BLTP3B: variants seen among roughly 807,000 people sequenced by gnomAD.
The protein encoded by BLTP3B is bridge-like lipid transfer protein family member 3B.
the BLTP3B span, among the ~76,000 whole-genome samples, chr12:100,052,050 A>G: frequency 4.6e-5 from 7 of 151,592 alleles, no homozygotes; most frequent in African/African-American, 1.5e-4. Flanking sequence ...TCTAAAAAAA[A>G]AAAAAGATTC....
At chr12:100,131,335 T>A in the BLTP3B span, among the ~76,000 whole-genome samples, 3 of 151,082 alleles carry the variant, frequency 2.0e-5, no homozygotes, top group African/African-American at 4.8e-5. Flanking sequence ...TTAATTAATT[T>A]AAAGTTTTAA....
At chr12:100,037,980 T>C in the BLTP3B span, among the ~76,000 whole-genome samples, 1 of 152,314 alleles carries the variant, frequency 6.6e-6, no homozygotes. Flanking sequence ...TACTAACTCC[T>C]AATTTCCTAG....
the BLTP3B span, among the ~76,000 whole-genome samples, chr12:100,090,522 ATAAT>A: frequency 3.3e-5 from 5 of 152,190 alleles, no homozygotes; most frequent in East Asian, 7.7e-4. Flanking sequence ...TTAACTAAAG[ATAAT>A]TAAAGAAAAT....
At chr12:100,056,266 G>A in the BLTP3B span, among the ~76,000 whole-genome samples, 1 of 152,210 alleles carries the variant, frequency 6.6e-6, no homozygotes, top group South Asian at 2.1e-4. Context: ...ACTGCAAAAT[G>A]CAACGCTTAC....
At chr12:100,072,900 T>C in the BLTP3B span, 2 of 1,406,724 alleles carry the variant, frequency 1.4e-6, no homozygotes, top group Non-Finnish European at 1.9e-6. Context: ...CTTTTAAAAC[T>C]ACTTACAAAA....
the BLTP3B span, among the ~76,000 whole-genome samples, chr12:100,075,333 T>C: frequency 6.6e-6 from 1 of 151,882 alleles, no homozygotes; most frequent in Non-Finnish European, 1.5e-5. Context: ...TATACAAAAA[T>C]TAACTCAAGA....
At chr12:100,115,773 CAA>C in the BLTP3B span, among the ~76,000 whole-genome samples, 2 of 150,434 alleles carry the variant, frequency 1.3e-5, no homozygotes, top group Non-Finnish European at 3.0e-5. Context: ...GAAAAAAAAA[CAA>C]AAAAACAAAA....
chr12:100,062,375 T>C, the BLTP3B span, among the ~76,000 whole-genome samples: 2 of 152,202 alleles, frequency 1.3e-5, no homozygotes, highest in South Asian at 4.1e-4. Context: ...ATTATAAAAG[T>C]TGGATCATTT....
chr12:100,057,643 G>C, the BLTP3B span: 1 of 1,612,802 alleles, frequency 6.2e-7, no homozygotes, highest in East Asian at 2.2e-5. Context: ...ATGCTGTCAA[G>C]TGAAATGGTA....
the BLTP3B span, among the ~76,000 whole-genome samples, chr12:100,122,377 A>G: frequency 1.3e-5 from 2 of 152,216 alleles, no homozygotes. Flanking sequence ...AGGTCACACT[A>G]AAGTAGAGCC....
At chr12:100,119,321 A>G in the BLTP3B span, among the ~76,000 whole-genome samples, 2 of 152,256 alleles carry the variant, frequency 1.3e-5, no homozygotes, top group Non-Finnish European at 2.9e-5. Flanking sequence ...GAAATAAAAC[A>G]TATTAGTGGA....
the BLTP3B span, among the ~76,000 whole-genome samples, chr12:100,090,131 A>G: frequency 8.5e-5 from 13 of 152,218 alleles, no homozygotes; most frequent in African/African-American, 3.1e-4. Context: ...AGGGACTAAT[A>G]TGATATCCTA....
chr12:100,130,982 GGAGAGAGAGA>G, the BLTP3B span, among the ~76,000 whole-genome samples: 249 of 62,198 alleles, frequency 4.0e-3, 2 homozygotes, highest in South Asian at 0.03. Flanking sequence ...AGAGAGGGAG[GGAGAGAGAGA>G]GAGAGAGAGA....
the BLTP3B span, among the ~76,000 whole-genome samples, chr12:100,085,679 C>T: frequency 1.7e-4 from 26 of 152,092 alleles, no homozygotes; most frequent in African/African-American, 5.8e-4. Context: ...TGGTTTTTCT[C>T]ACTTGTGTGA....
chr12:100,123,916 C>T, the BLTP3B span, among the ~76,000 whole-genome samples: 1 of 152,014 alleles, frequency 6.6e-6, no homozygotes, highest in Admixed American at 6.6e-5. Context: ...AGCTGTCTGC[C>T]CACAGATACT....
chr12:100,110,644 T>C, the BLTP3B span, among the ~76,000 whole-genome samples: 9 of 152,064 alleles, frequency 5.9e-5, no homozygotes, highest in African/African-American at 2.2e-4. Flanking sequence ...GGAGTTCTAA[T>C]CCAGAGCTTC....
chr12:100,119,766 C>T, the BLTP3B span, among the ~76,000 whole-genome samples: 1 of 152,066 alleles, frequency 6.6e-6, no homozygotes, highest in Admixed American at 6.5e-5. Context: ...AAATCCTTGA[C>T]CTTTACCTCA....
the BLTP3B span, among the ~76,000 whole-genome samples, chr12:100,126,586 A>C: frequency 6.6e-6 from 1 of 152,182 alleles, no homozygotes; most frequent in Non-Finnish European, 1.5e-5. Flanking sequence ...TTGGGCACAA[A>C]AATTCTACTG....
chr12:100,056,196 T>G, the BLTP3B span, among the ~76,000 whole-genome samples: 3 of 152,156 alleles, frequency 2.0e-5, no homozygotes, highest in African/African-American at 7.2e-5. Context: ...TACCCCTACA[T>G]GAATGGGATT....
Sources: allele counts gnomAD v4.1 joint callset (sites outside exome capture counted in the v4.1 genomes callset), GRCh38; gene constraint gnomAD v4.1.1; transcripts MANE v1.5; gene names NCBI Gene and HGNC (gene_info 2026-07-23, HGNC 2026-07-21).